The following NFIB variants were observed in gnomAD, a reference collection of about 807,000 sequenced individuals.
NFIB encodes nuclear factor I B, also known as nuclear factor 1 B-type.
A neutral mutation model predicts 61.5 loss-of-function variants in NFIB; 11 were observed. The observed-to-expected ratio is 0.18, with a 90% confidence interval of 0.11 to 0.30. The LOEUF is 0.30. NFIB is among the 10% of genes least tolerant of loss of function. The pLI is 1.00. For synonymous variants in NFIB, 260 were observed against 216.5 expected, an observed-to-expected ratio of 1.20 and a Z score of -1.76; for missense variants, 471 against 608.9, an observed-to-expected ratio of 0.77 and a Z score of 2.38.
At chr9:14,147,634 T>C (rs1420988644) in intron 5 of NFIB, among the ~76,000 whole-genome samples, 1 of 115,574 alleles carries the variant, frequency 8.7e-6, no homozygotes, top group Non-Finnish European at 1.7e-5. Flanking sequence ...TTTAAAATGA[T>C]ACTTTTTTTT....
the NFIB span, among the ~76,000 whole-genome samples, chr9:14,432,083 T>C: frequency 6.6e-6 from 1 of 152,182 alleles, no homozygotes; most frequent in Non-Finnish European, 1.5e-5. Flanking sequence ...AGAGGCTCTC[T>C]TGTATGCTAC....
At position 14,120,554 on chromosome 9, in the gene NFIB, G is replaced by T; in HGVS notation, c.1131C>A (p.Ala377=). 6.2e-7 allele frequency: 1 copy of T among 1,613,970 alleles called. No homozygotes were observed. The highest frequency in any genetic ancestry group is 8.5e-7 in the Non-Finnish European group (1 of 1,179,962). Residue 377 remains alanine, a synonymous_variant, in exon 8 of 11, where the codon GCC becomes GCA. Transcript: ENST00000380953. The surrounding 1 kb of genome is among the most constrained non-coding windows in gnomAD (Gnocchi z 4.4). ...PFPTQAILPP[A]PSSYFSHPTI... ...TTGGATGAGAAAAGTAGCTCGATGGGGCTGGAGGAAGGATAGCTTGTGTTG... is the reference window on the plus strand; with the variant it reads ...TTGGATGAGAAAAGTAGCTCGATGGTGCTGGAGGAAGGATAGCTTGTGTTG...
chr9:14,297,291 C>T (rs751923616), intron 2 of NFIB, among the ~76,000 whole-genome samples: 24 of 152,128 alleles, frequency 1.6e-4, no homozygotes, highest in Non-Finnish European at 2.8e-4. Context: ...GCTAATGAAC[C>T]GGCAGAAAGG....
intron 2 of NFIB, among the ~76,000 whole-genome samples, chr9:14,302,749 C>T (rs2059815933): frequency 6.6e-6 from 1 of 151,920 alleles, no homozygotes; most frequent in South Asian, 2.1e-4. Context: ...CCCCCGACTC[C>T]CACCACCACC....
chr9:14,336,084 G>A (rs1266799448), intron 1 of NFIB, among the ~76,000 whole-genome samples: 6 of 152,162 alleles, frequency 3.9e-5, no homozygotes, highest in African/African-American at 1.4e-4. Context: ...GTCGTTATAA[G>A]AAGTCTTGAA....
chr9:14,175,465 C>G (rs996520859), intron 3 of NFIB, among the ~76,000 whole-genome samples: 1 of 152,136 alleles, frequency 6.6e-6, no homozygotes, highest in Non-Finnish European at 1.5e-5. Context: ...TAAGACACCA[C>G]GCCCAGCCAG....
intron 1 of NFIB, among the ~76,000 whole-genome samples, chr9:14,375,740 G>T (rs1006582187): frequency 2.6e-5 from 4 of 152,098 alleles, no homozygotes; most frequent in African/African-American, 9.7e-5. Flanking sequence ...ACACTTAGCT[G>T]CAAGGGAACC....
At chr9:14,339,638 T>A (rs1046817124) in intron 1 of NFIB, among the ~76,000 whole-genome samples, 4 of 152,138 alleles carry the variant, frequency 2.6e-5, no homozygotes, top group Non-Finnish European at 4.4e-5. Context: ...AATGAAGATG[T>A]TAATTAAGAC....
At chr9:14,304,063 G>A (rs554744399) in intron 2 of NFIB, among the ~76,000 whole-genome samples, 2 of 152,290 alleles carry the variant, frequency 1.3e-5, no homozygotes, top group South Asian at 4.1e-4. Flanking sequence ...ATAAAATACT[G>A]CCTCATGGCC....
At chr9:14,487,935 G>A in the NFIB span, among the ~76,000 whole-genome samples, 1 of 152,148 alleles carries the variant, frequency 6.6e-6, no homozygotes, top group Non-Finnish European at 1.5e-5. Context: ...AAATGGGTTA[G>A]GTCAGAAGCC....
At chr9:14,371,130 CAAACAAACAA>C (rs952356026) in intron 1 of NFIB, among the ~76,000 whole-genome samples, 1 of 135,106 alleles carries the variant, frequency 7.4e-6, no homozygotes, top group Non-Finnish European at 1.7e-5. Context: ...AACAAACAAA[CAAACAAACAA>C]AAACACACAC....
At chr9:14,483,770 A>T in the NFIB span, among the ~76,000 whole-genome samples, 1 of 152,224 alleles carries the variant, frequency 6.6e-6, no homozygotes, top group Non-Finnish European at 1.5e-5. Context: ...CTCAACAATA[A>T]TGCACAGGTG....
At chr9:14,252,175 C>T (rs2132141851) in intron 2 of NFIB, among the ~76,000 whole-genome samples, 1 of 152,236 alleles carries the variant, frequency 6.6e-6, no homozygotes, top group Non-Finnish European at 1.5e-5. Flanking sequence ...ATCTTTCTTC[C>T]TCCAGAAGAA....
chr9:14,443,340 A>T, the NFIB span, among the ~76,000 whole-genome samples: 3 of 152,074 alleles, frequency 2.0e-5, no homozygotes, highest in Non-Finnish European at 4.4e-5. Flanking sequence ...AGCTTCTCTC[A>T]AAAAACATGA....
At chr9:14,116,176 C>G in intron 9 of NFIB, 32 bp downstream of exon 9, 2 of 1,474,868 alleles carry the variant, frequency 1.4e-6, no homozygotes, top group South Asian at 1.4e-5. Context: ...TATGGAAATA[C>G]TTACTGGTTG....
chr9:14,331,833 T>C (rs965337517), intron 1 of NFIB, among the ~76,000 whole-genome samples: 3 of 152,230 alleles, frequency 2.0e-5, no homozygotes, highest in Non-Finnish European at 4.4e-5. Flanking sequence ...TGTCAAAATA[T>C]GTAGGACTGT....
chr9:14,446,270 G>C, the NFIB span, among the ~76,000 whole-genome samples: 1 of 152,118 alleles, frequency 6.6e-6, no homozygotes, highest in Admixed American at 6.6e-5. Flanking sequence ...TTGAATCTAT[G>C]GGTTGGAACA....
intron 1 of NFIB, among the ~76,000 whole-genome samples, chr9:14,340,753 GC>G (rs1009653569): frequency 6.6e-6 from 1 of 152,176 alleles, no homozygotes; most frequent in Non-Finnish European, 1.5e-5. Context: ...TGGTATTTAT[GC>G]CTGGCATTTT....
Position 14,088,162 on chromosome 9 carries a change from A to G in NFIB, c.*147T>C. The G allele has an allele frequency of 7.1e-7, 1 of 1,415,068 alleles. No homozygotes were observed. The highest frequency in any genetic ancestry group is 9.3e-7 in the Non-Finnish European group (1 of 1,072,842). The allele number at this position is 1,415,068 out of a possible 1,614,324, so 87.7% of individuals were successfully genotyped here. ...TTTCCTTTTTTTTTATTTAAAAAAA[A>G]AATTTCTTAAACTATTGTTGTGTTT... On this transcript the variant is annotated 3_prime_UTR_variant, in exon 11 of 11. Coordinates refer to ENST00000380953, the MANE Select transcript of NFIB (RefSeq NM_001190737.2).
Sources: allele counts gnomAD v4.1 joint callset (sites outside exome capture counted in the v4.1 genomes callset), GRCh38; gene constraint gnomAD v4.1.1; non-coding constraint Gnocchi (gnomAD v3.1); transcripts MANE v1.5; gene names NCBI Gene and HGNC (gene_info 2026-07-23, HGNC 2026-07-21).